TFR2: variants seen among roughly 807,000 people sequenced by gnomAD.
The protein encoded by TFR2 is transferrin receptor protein 2.
A neutral mutation model predicts 91.9 loss-of-function variants in TFR2; 64 were observed. That is an observed-to-expected ratio of 0.70 (90% CI 0.57 to 0.86). TFR2 has a LOEUF of 0.86. Ranked by LOEUF, TFR2 falls within the 40% of genes least tolerant of loss-of-function variation. TFR2 has a pLI of 0.00. For synonymous variants in TFR2, 454 were observed against 459.6 expected (o/e 0.99, Z 0.15); for missense variants, 950 against 1,080.5 (o/e 0.88, Z 1.69).
chr7:100,634,387 C>T (rs1803535437), intron 3 of TFR2, among the ~76,000 whole-genome samples: 2 of 152,202 alleles, frequency 1.3e-5, no homozygotes, highest in South Asian at 4.1e-4. Flanking sequence ...TCCTGAGCAG[C>T]TGGGACTACA....
At chr7:100,636,828 G>A (rs1471636703) in intron 3 of TFR2, among the ~76,000 whole-genome samples, 1 of 151,514 alleles carries the variant, frequency 6.6e-6, no homozygotes, top group Non-Finnish European at 1.5e-5. Context: ...GCAATGGCGC[G>A]ATCTCGGCTC....
At chr7:100,630,051 C>G (rs1195808447) in intron 9 of TFR2, among the ~76,000 whole-genome samples, 1 of 151,968 alleles carries the variant, frequency 6.6e-6, no homozygotes, top group Non-Finnish European at 1.5e-5. Context: ...GCCAATTTCT[C>G]TTATTTTTAA....
chr7:100,624,228 C>G (rs949323648), intron 17 of TFR2, among the ~76,000 whole-genome samples: 3 of 152,018 alleles, frequency 2.0e-5, no homozygotes, highest in Non-Finnish European at 4.4e-5. Context: ...TTGGTGGTCC[C>G]CTCCCCTCTG....
chr7:100,620,797 T>C lies in TFR2; in HGVS notation c.*60A>G. On this transcript the variant is annotated 3_prime_UTR_variant, in exon 18 of 18. Transcript: ENST00000223051. ...AGCCACCTCCCTGACCCTGAATCAT[T>C]CAAGCGAGGAGCAGAGGAGCTCTTG... 6.2e-7 allele frequency: 1 copy of C among 1,608,326 alleles called. No individual in the cohort carries two copies. Among genetic ancestry groups the C allele is most frequent in the Middle Eastern group, 1.7e-4 (1 of 6,048 alleles).
In TFR2 at chr7:100,627,726, C is replaced by T. The variant is rs776654518; in HGVS notation, c.1682+18G>A. ...TCCCCCACATCCCTCCCCAGCTCTC[C>T]CTACCCCCCCAACTTACACCTCAGC... On this transcript the variant is annotated intron_variant, in intron 14 of 17. Coordinates refer to ENST00000223051, the MANE Select transcript of TFR2 (RefSeq NM_003227.4). The T allele has an allele frequency of 6.2e-7, 1 of 1,613,990 alleles. No homozygotes were observed. The highest frequency in any genetic ancestry group is 1.7e-5 in the Admixed American group (1 of 59,992).
chr7:100,633,067 G>A lies in TFR2; in HGVS notation c.783C>T (p.Ala261=), dbSNP rs769094432. The change falls in exon 6 of 18, where the codon GCC becomes GCT. Residue 261 remains alanine, a synonymous_variant. Transcript: ENST00000223051. The part of the protein sequence containing the change: ...GRPEDLQDLR[A]RGVDPVGRLL... Reference sequence around the variant, plus strand: ...GGCGGCCCACTGGATCCACGCCCCTGGCCCGCAGGTCCTGCAGGTCTTCGG... The same window carrying A: ...GGCGGCCCACTGGATCCACGCCCCTAGCCCGCAGGTCCTGCAGGTCTTCGG... 8 of 1,613,580 alleles carry A rather than the reference G, an allele frequency of 5.0e-6. No homozygotes were observed. The highest frequency in any genetic ancestry group is 6.8e-6 in the Non-Finnish European group (8 of 1,179,962).
At chr7:100,626,998 G>A (rs142514097) in intron 16 of TFR2, 95 bp from the exon 17 acceptor site, 12 of 1,416,916 alleles carry the variant, frequency 8.5e-6, no homozygotes, top group Middle Eastern at 2.5e-4. Context: ...GGGGAAGGGG[G>A]CTGGGACCCC....
At position 100,633,271 on chromosome 7, in the gene TFR2, G is replaced by A; in HGVS notation, c.684C>T (p.Asp228=). ...CGCTGTAGGGGCAGTAGACGTCAGGGTCCTCCAGCGGCAGCTGCTCTCCGA... is the reference window on the plus strand; with the variant it reads ...CGCTGTAGGGGCAGTAGACGTCAGGATCCTCCAGCGGCAGCTGCTCTCCGA... ...GKVGEQLPLE[D]PDVYCPYSAI... Residue 228 remains aspartate (D), a synonymous_variant, in exon 5 of 18, where the codon GAC becomes GAT. Coordinates refer to ENST00000223051, the MANE Select transcript of TFR2 (RefSeq NM_003227.4). 6.2e-7 allele frequency: 1 copy of A among 1,613,878 alleles called. No individual in the cohort carries two copies. Among genetic ancestry groups the A allele is most frequent in the East Asian group, 2.2e-5 (1 of 44,868 alleles).
chr7:100,625,193 G>A (rs1312453287), intron 17 of TFR2, among the ~76,000 whole-genome samples: 2 of 151,488 alleles, frequency 1.3e-5, no homozygotes, highest in African/African-American at 4.8e-5. Flanking sequence ...CTGAGTAGCT[G>A]GGATTACAGG....
intron 17 of TFR2, among the ~76,000 whole-genome samples, chr7:100,623,077 A>C (rs200785420): frequency 4.8e-5 from 7 of 147,078 alleles, no homozygotes; most frequent in African/African-American, 7.5e-5. Context: ...GATCAAGACC[A>C]TCCTGGCCAA....
intron 3 of TFR2, among the ~76,000 whole-genome samples, chr7:100,634,926 CTTTTT>C (rs756262774): frequency 1.3e-5 from 2 of 152,004 alleles, no homozygotes; most frequent in Non-Finnish European, 2.9e-5. Flanking sequence ...CTTTTCTTTT[CTTTTT>C]TCTTTCTTTC....
chr7:100,623,923 G>C (rs1384992085), intron 17 of TFR2, among the ~76,000 whole-genome samples: 1 of 146,968 alleles, frequency 6.8e-6, no homozygotes, highest in African/African-American at 2.5e-5. Flanking sequence ...AGGCATGGTT[G>C]TGCGCGCCTG....
intron 17 of TFR2, among the ~76,000 whole-genome samples, chr7:100,624,975 A>T (rs1222526354): frequency 6.6e-6 from 1 of 151,786 alleles, no homozygotes; most frequent in Non-Finnish European, 1.5e-5. Flanking sequence ...GTCTGGCCCA[A>T]TCCTGTATTG....
chr7:100,627,861 C>G lies in TFR2; in HGVS notation c.1606-41G>C, dbSNP rs373084596. ...GGGCACTGATCAGGCTCTGCTCCTCCCCGCAACCTACTCCCCTTCACCCCC... is the reference window on the plus strand; with the variant it reads ...GGGCACTGATCAGGCTCTGCTCCTCGCCGCAACCTACTCCCCTTCACCCCC... On this transcript the variant is annotated intron_variant, in intron 13 of 17. Transcript: ENST00000223051. 3.1e-6 allele frequency: 5 copies of G among 1,614,100 alleles called. No homozygotes were observed. The African/African-American group carries it at 6.7e-5, about 22-fold the overall frequency.
rs369323306 is a variant in TFR2 at position 100,640,822 on chromosome 7, C to A, written c.337G>T (p.Asp113Tyr). 2.3e-5 allele frequency: 37 copies of A among 1,614,094 alleles called. No homozygotes were observed. Among genetic ancestry groups the A allele is most frequent in the Non-Finnish European group, 3.1e-5 (36 of 1,180,054 alleles). The change falls in exon 3 of 18, where the codon GAC (aspartate) becomes TAC (tyrosine). Residue 113 changes from aspartate (D) to tyrosine (Y), a missense_variant. Asp to Tyr is a radical substitution (Grantham distance 160). Coordinates refer to ENST00000223051, the MANE Select transcript of TFR2 (RefSeq NM_003227.4). ...AFRGSCQACG[D>Y]SVLVVSEDVN... is the part of the protein sequence containing the mutation. ...TCCTCACTGACCACCAACACAGAGT[C>A]TCCGCACGCCTGGCAGGACCCTCGG... is the stretch of plus-strand genomic sequence containing the variant.
At chr7:100,640,915 G>A (rs1172017010) in intron 2 of TFR2, 43 bp from the exon 3 acceptor site, 1 of 1,613,740 alleles carries the variant, frequency 6.2e-7, no homozygotes. Flanking sequence ...GCCCACCTCT[G>A]GACCCCAGAA....
intron 1 of TFR2, 36 bp from the exon 2 acceptor site, chr7:100,641,264 A>G: frequency 6.9e-7 from 1 of 1,446,208 alleles, no homozygotes; most frequent in Non-Finnish European, 9.2e-7. Context: ...TTGGGGCAAG[A>G]GGCCTGGGGG....
chr7:100,633,209 A>G lies in TFR2; in HGVS notation c.726+20T>C. ...GGCTCGTGCCGCGCCCCATCCTAGG[A>G]GCGGGCAGGGGGTGCTCACCGTGAC... On this transcript the variant is annotated intron_variant, in intron 5 of 17. Transcript: ENST00000223051. 6.2e-7 allele frequency: 1 copy of G among 1,613,332 alleles called. No homozygotes were observed. Among genetic ancestry groups the G allele is most frequent in the East Asian group, 2.2e-5 (1 of 44,798 alleles).
intron 5 of TFR2, 49 bp from the exon 6 acceptor site, chr7:100,633,172 G>T: frequency 6.2e-7 from 1 of 1,612,658 alleles, no homozygotes; most frequent in Non-Finnish European, 8.5e-7. Context: ...CCTCCTTCGA[G>T]ACCCAGGAAA....
Sources: gnomAD v4.1 joint callset for allele counts (sites outside exome capture counted in the v4.1 genomes callset) on GRCh38, gnomAD v4.1.1 for gene constraint, MANE v1.5 for transcripts, NCBI Gene and HGNC (gene_info 2026-07-23, HGNC 2026-07-21) for gene names.